Variants in SREBF1 observed in about 807,000 individuals in gnomAD.
SREBF1 encodes sterol regulatory element binding transcription factor 1.
A neutral mutation model predicts 100.1 loss-of-function variants in SREBF1; 45 were observed. The observed-to-expected ratio is 0.45, with a 90% confidence interval of 0.35 to 0.58. The LOEUF (loss-of-function observed/expected upper bound fraction) is 0.58, where lower values mean the gene tolerates loss of function less well. Ranked by LOEUF, SREBF1 falls within the 20% of genes least tolerant of loss-of-function variation. The pLI is 0.00. For synonymous variants in SREBF1, 657 were observed against 681.8 expected (o/e 0.96, Z 0.57); for missense variants, 1,324 against 1,539.4 (o/e 0.86, Z 2.34).
chr17:17,818,983 C>G (rs201769377), intron 5 of SREBF1, 30 bp downstream of exon 5: 1 of 1,605,794 alleles, frequency 6.2e-7, no homozygotes, highest in Admixed American at 1.7e-5. Flanking sequence ...AGGGACACCC[C>G]GGTCTGTGCC....
At chr17:17,828,743 C>T (rs1426808434) in intron 1 of SREBF1, among the ~76,000 whole-genome samples, 1 of 151,848 alleles carries the variant, frequency 6.6e-6, no homozygotes, top group African/African-American at 2.4e-5. Flanking sequence ...TAGCAAGGCC[C>T]CATCTCTACA....
At chr17:17,834,103 GT>G (rs1489195790) in intron 1 of SREBF1, among the ~76,000 whole-genome samples, 2 of 151,784 alleles carry the variant, frequency 1.3e-5, no homozygotes, top group African/African-American at 2.4e-5. Context: ...TAGGTTTAAA[GT>G]TTTTTTTGAA....
chr17:17,816,053 C>T (rs1567962288), intron 11 of SREBF1, 25 bp from the exon 12 acceptor site: 23 of 1,607,390 alleles, frequency 1.4e-5, no homozygotes, highest in Admixed American at 5.0e-5. Flanking sequence ...ACTGGGCTGT[C>T]ACAGTGGACA....
chr17:17,815,947 G>T lies in SREBF1; in HGVS notation c.2296C>A (p.Pro766Thr). The change falls in exon 12 of 19, where the codon CCC becomes ACC. Residue 766 changes from proline (P) to threonine (T), a missense_variant. Physicochemically the swap from Pro to Thr is conservative, Grantham distance 38. Transcript: ENST00000261646. ...VPPAMQWLCH[P>T]VGHRFFVDGD... ...TCCACGAAGAAACGGTGGCCCACGG[G>T]GTGGCAGAGCCACTGCATGGCAGGA... The T allele has an allele frequency of 6.2e-7, 1 of 1,612,878 alleles. No individual in the cohort carries two copies. Among genetic ancestry groups the T allele is most frequent in the African/African-American group, 1.3e-5 (1 of 74,994 alleles).
rs1486076802 is a variant in SREBF1 at position 17,812,572 on chromosome 17, C to T, written c.*50G>A. On this transcript the variant is annotated 3_prime_UTR_variant, in exon 19 of 19. Transcript: ENST00000261646. ...GCTTCGACGCAGGACAGAAGCTGCACGGGACCAAAGTGGCTAGAGACAGGG... is the reference window on the plus strand; with the variant it reads ...GCTTCGACGCAGGACAGAAGCTGCATGGGACCAAAGTGGCTAGAGACAGGG... 1.3e-6 allele frequency: 2 copies of T among 1,539,344 alleles called. No individual in the cohort carries two copies. Among genetic ancestry groups the T allele is most frequent in the Admixed American group, 3.8e-5 (2 of 52,478 alleles).
At chr17:17,827,878 G>A (rs1339704732) in intron 1 of SREBF1, among the ~76,000 whole-genome samples, 1 of 152,210 alleles carries the variant, frequency 6.6e-6, no homozygotes, top group East Asian at 1.9e-4. Context: ...AGTGTGTGCA[G>A]AGTGCAAAGA....
intron 1 of SREBF1, among the ~76,000 whole-genome samples, chr17:17,825,336 T>C (rs1435774690): frequency 6.8e-6 from 1 of 148,104 alleles, no homozygotes; most frequent in East Asian, 2.1e-4. Flanking sequence ...GGAAGCGCGA[T>C]GGGAGAGGGC....
chr17:17,813,930 G>T, intron 16 of SREBF1, 161 bp from the exon 17 acceptor site: 1 of 791,764 alleles, frequency 1.3e-6, no homozygotes, highest in Non-Finnish European at 2.0e-6. Flanking sequence ...GGGGCCGCCC[G>T]CCTCTCTCGG....
At position 17,824,582 on chromosome 17, in the gene SREBF1, A is replaced by G. The variant is rs2034362733; in HGVS notation, c.92-4061T>C. Among the ~76,000 whole-genome samples, 1 of 152,122 alleles carries G rather than the reference A, an allele frequency of 6.6e-6. No homozygotes were observed. Among genetic ancestry groups the G allele is most frequent in the Non-Finnish European group, 1.5e-5 (1 of 68,016 alleles). ...CTGTCTTCCCTCTTTTGTCAAAGGT[A>G]AAAGTTACACACACACACACACACA... On this transcript the variant is annotated intron_variant, in intron 1 of 18. Coordinates refer to ENST00000261646, the MANE Select transcript of SREBF1 (RefSeq NM_004176.5). This position sits in a 1 kb window ranked among gnomAD's most constrained non-coding sequence, Gnocchi z 4.2.
rs1467450256 is a variant in SREBF1, at chr17:17,836,823, A to C, written c.-6T>G. 1 of 1,522,312 alleles carries C rather than the reference A, an allele frequency of 6.6e-7. No homozygotes were observed. Among genetic ancestry groups the C allele is most frequent in the African/African-American group, 1.4e-5 (1 of 70,548 alleles). The allele number at this position is 1,522,312 out of a possible 1,614,324, so 94.3% of individuals were successfully genotyped here. Reference sequence around the variant, plus strand: ...CTGAAGGGTGGCTCGTCCATGGCGCAGCCGCCTCCTCCGGGAGGCCCGCCG... The same window carrying C: ...CTGAAGGGTGGCTCGTCCATGGCGCCGCCGCCTCCTCCGGGAGGCCCGCCG... On this transcript the variant is annotated 5_prime_UTR_variant, in exon 1 of 19. Coordinates refer to ENST00000261646, the MANE Select transcript of SREBF1 (RefSeq NM_004176.5).
intron 1 of SREBF1, among the ~76,000 whole-genome samples, chr17:17,832,902 C>A (rs1396834196): frequency 2.0e-5 from 3 of 149,694 alleles, no homozygotes; most frequent in Admixed American, 1.3e-4. Context: ...GCCTGGGTGA[C>A]AGAGCAAGAC....
intron 12 of SREBF1, 37 bp from the exon 13 acceptor site, chr17:17,815,366 G>A (rs1340869063): frequency 3.3e-6 from 5 of 1,534,466 alleles, no homozygotes; most frequent in East Asian, 2.3e-5. Flanking sequence ...TGGGGAGCAG[G>A]GCCCCACCCT....
At chr17:17,815,399 TC>T (rs745909375) in intron 12 of SREBF1, 70 bp from the exon 13 acceptor site, 124 of 1,354,854 alleles carry the variant, frequency 9.2e-5, no homozygotes, top group Middle Eastern at 3.6e-4. Flanking sequence ...AAGGGCTTTT[TC>T]CTGGGTGGGC....
chr17:17,817,485 G>A lies in SREBF1; in HGVS notation c.1405-28C>T. On this transcript the variant is annotated intron_variant, in intron 7 of 18. Transcript: ENST00000261646. The surrounding 1 kb of genome is among the most constrained non-coding windows in gnomAD (Gnocchi z 6.6). Reference sequence around the variant, plus strand: ...GGTGGGGTTGGGCAGGGTGGTGAGGGCAGAATCGGAGGGACCCCAGAGAGC... The same window carrying A: ...GGTGGGGTTGGGCAGGGTGGTGAGGACAGAATCGGAGGGACCCCAGAGAGC... The A allele has an allele frequency of 6.4e-7, 1 of 1,565,264 alleles. No homozygotes were observed. Among genetic ancestry groups the A allele is most frequent in the Admixed American group, 1.9e-5 (1 of 52,570 alleles).
At chr17:17,831,920 G>C (rs1275596495) in intron 1 of SREBF1, among the ~76,000 whole-genome samples, 1 of 152,216 alleles carries the variant, frequency 6.6e-6, no homozygotes. Flanking sequence ...TGGGGCCCAA[G>C]GCCCTTGGCT....
rs761191463 is a variant in SREBF1, at chr17:17,817,247, C to T, written c.1606+9G>A. The T allele has an allele frequency of 6.8e-6, 11 of 1,607,624 alleles. No individual in the cohort carries two copies. Among genetic ancestry groups the T allele is most frequent in the African/African-American group, 5.3e-5 (4 of 74,850 alleles). On this transcript the variant is annotated intron_variant, in intron 8 of 18. Coordinates refer to ENST00000261646, the MANE Select transcript of SREBF1 (RefSeq NM_004176.5). This position sits in a 1 kb window ranked among gnomAD's most constrained non-coding sequence, Gnocchi z 6.6. The stretch of plus-strand genomic sequence containing the variant: ...CCCTCCCAAAGATGCCCAGGCTGGC[C>T]GGTCCCACCTCTGCTCTCGGTGCCC...
intron 18 of SREBF1, 156 bp from the exon 19 acceptor site, chr17:17,813,007 A>C (rs1239429091): frequency 3.0e-6 from 2 of 658,876 alleles, no homozygotes; most frequent in Non-Finnish European, 5.1e-6. Flanking sequence ...CCCTAGTCTC[A>C]GCCCACACAC....
chr17:17,828,838 C>T (rs929200615), intron 1 of SREBF1, among the ~76,000 whole-genome samples: 9 of 152,032 alleles, frequency 5.9e-5, no homozygotes, highest in Admixed American at 2.0e-4. Context: ...CCCTTGAACC[C>T]GGGAGTTCAA....
chr17:17,815,489 T>TCAA (rs2033462598), intron 12 of SREBF1, 160 bp from the exon 13 acceptor site: 1 of 627,304 alleles, frequency 1.6e-6, no homozygotes, highest in Admixed American at 2.8e-5. Context: ...GGAAAGCGGG[T>TCAA]GGACATAACT....
Sources: allele counts gnomAD v4.1 joint callset (sites outside exome capture counted in the v4.1 genomes callset), GRCh38; gene constraint gnomAD v4.1.1; non-coding constraint Gnocchi (gnomAD v3.1); transcripts MANE v1.5; gene names NCBI Gene and HGNC (gene_info 2026-07-23, HGNC 2026-07-21).